Variants in CDH18 observed in about 807,000 individuals in gnomAD.
CDH18 encodes the protein cadherin-18.
Under a neutral mutation model 67.9 loss-of-function variants are expected in CDH18, and 31 were observed. That is an observed-to-expected ratio of 0.46 (90% CI 0.34 to 0.62). The LOEUF is 0.62. Among genes scored for constraint, CDH18 ranks in the 20% least tolerant of loss-of-function variants. CDH18 has a pLI of 0.01. For synonymous variants in CDH18, 362 were observed against 347.2 expected, an observed-to-expected ratio of 1.04 and a Z score of -0.48; for missense variants, 890 against 975.5, an observed-to-expected ratio of 0.91 and a Z score of 1.17.
intron 1 of CDH18, among the ~76,000 whole-genome samples, chr5:20,344,374 C>T (rs2150047890): frequency 6.6e-6 from 1 of 152,240 alleles, no homozygotes; most frequent in African/African-American, 2.4e-5. Context: ...GATTTCACCC[C>T]TATGCCAAAG....
In CDH18 at chr5:19,613,007, G is replaced by A. The variant is rs926387087; in HGVS notation, c.644-406C>T. Among the ~76,000 whole-genome samples, 9 of 151,996 alleles carry A rather than the reference G, an allele frequency of 5.9e-5. No homozygotes were observed. In the South Asian group the frequency reaches 8.3e-4, roughly 14 times the overall value. ...TTAAAAAAAAAAAAATTGGCTGGGC[G>A]TGGTGGCGCATGCCTGTAATCCCAG... On this transcript the variant is annotated intron_variant, in intron 5 of 12. Coordinates refer to ENST00000382275, the MANE Select transcript of CDH18 (RefSeq NM_004934.5).
chr5:20,265,028 G>A (rs1295364005), intron 1 of CDH18, among the ~76,000 whole-genome samples: 4 of 152,078 alleles, frequency 2.6e-5, no homozygotes, highest in Non-Finnish European at 4.4e-5. Context: ...ATAACCTGAA[G>A]ATATCTAAAT....
intron 5 of CDH18, among the ~76,000 whole-genome samples, chr5:19,682,516 G>A (rs998324784): frequency 1.3e-5 from 2 of 151,962 alleles, no homozygotes; most frequent in Admixed American, 6.6e-5. Context: ...GTCACAGAGT[G>A]GGCTGAGTCC....
chr5:19,737,862 AATG>A (rs978776887), intron 4 of CDH18, among the ~76,000 whole-genome samples: 1 of 152,204 alleles, frequency 6.6e-6, no homozygotes, highest in African/African-American at 2.4e-5. Context: ...GTGATACTTG[AATG>A]ATGACAAGTA....
In CDH18 at chr5:20,089,284, T is replaced by A. The variant is rs534405628; in HGVS notation, c.-517-97270A>T. Among the ~76,000 whole-genome samples, 41 of 152,246 alleles carry A rather than the reference T, an allele frequency of 2.7e-4. No homozygotes were observed. In the East Asian group the frequency reaches 7.7e-3, roughly 29 times the overall value. On this transcript the variant is annotated intron_variant, in intron 2 of 14. Transcript: ENST00000507958. ...TATTGAATACAACATGGTACCCTGG[T>A]AAAATAAAAATCTGAATGGTCTTTG...
chr5:19,748,393 AT>A (rs1770413535), intron 3 of CDH18, among the ~76,000 whole-genome samples: 1 of 152,138 alleles, frequency 6.6e-6, no homozygotes, highest in African/African-American at 2.4e-5. Context: ...CTTTGTTGCC[AT>A]TTAAACTGCA....
At chr5:19,921,053 C>G (rs1006918437) in intron 2 of CDH18, among the ~76,000 whole-genome samples, 1 of 151,888 alleles carries the variant, frequency 6.6e-6, no homozygotes, top group African/African-American at 2.4e-5. Flanking sequence ...ATTACTACCT[C>G]AACCATGATA....
chr5:19,885,912 T>C (rs1277961811), intron 2 of CDH18, among the ~76,000 whole-genome samples: 1 of 152,184 alleles, frequency 6.6e-6, no homozygotes, highest in Non-Finnish European at 1.5e-5. Context: ...TGATAGATCT[T>C]ATCTACAGAA....
chr5:20,442,022 G>A (rs894190703), intron 1 of CDH18, among the ~76,000 whole-genome samples: 6 of 151,884 alleles, frequency 4.0e-5, no homozygotes, highest in Non-Finnish European at 8.8e-5. Context: ...TATTTTATCT[G>A]TTCTGTTAAC....
intron 1 of CDH18, among the ~76,000 whole-genome samples, chr5:20,561,304 G>A (rs1161537195): frequency 2.0e-5 from 3 of 152,008 alleles, no homozygotes; most frequent in African/African-American, 4.8e-5. Flanking sequence ...CACTGCACAT[G>A]GATGTTTATA....
At chr5:20,448,570 G>A (rs1449273028) in intron 1 of CDH18, among the ~76,000 whole-genome samples, 1 of 152,090 alleles carries the variant, frequency 6.6e-6, no homozygotes, top group African/African-American at 2.4e-5. Flanking sequence ...TAGTAAAAGT[G>A]ATATTGCTGT....
chr5:20,537,015 G>A lies in CDH18; in HGVS notation c.-580+38447C>T, dbSNP rs539564856. On this transcript the variant is annotated intron_variant, in intron 1 of 14. Coordinates refer to the CDH18 transcript ENST00000507958. ...ATATTCTATGTGGGAGGGTGGACTT[G>A]TGTCCTGCCTATGGTGTCTGCCTTA... is the stretch of plus-strand genomic sequence containing the variant. Among the ~76,000 whole-genome samples, 6 of 152,208 alleles carry A rather than the reference G, an allele frequency of 3.9e-5. No homozygotes were observed. The South Asian group carries it at 1.2e-3, about 32-fold the overall frequency.
intron 3 of CDH18, among the ~76,000 whole-genome samples, chr5:19,768,175 T>C (rs1363785357): frequency 2.0e-5 from 3 of 152,182 alleles, no homozygotes; most frequent in Non-Finnish European, 4.4e-5. Flanking sequence ...TTGTTATTTG[T>C]TCTGACTCAG....
At chr5:19,893,839 T>C (rs1404785882) in intron 2 of CDH18, among the ~76,000 whole-genome samples, 1 of 152,130 alleles carries the variant, frequency 6.6e-6, no homozygotes, top group East Asian at 1.9e-4. Flanking sequence ...AGTGAAAACA[T>C]ATATTTAGCC....
At position 20,158,709 on chromosome 5, in the gene CDH18, A is replaced by G. The variant is rs149376820; in HGVS notation, c.-518+96735T>C. On this transcript the variant is annotated intron_variant, in intron 2 of 14. Coordinates refer to the CDH18 transcript ENST00000507958. ...TTCTCTGTTTGCCAGATGTCCTTCA[A>G]TAATTTCTGTAAATAGATTCCTCTT... 8.3e-3 allele frequency: 1,420 copies of G among 170,124 alleles called. 25 individuals carry two copies. Among genetic ancestry groups the G allele is most frequent in the African/African-American group, 0.032 (1,347 of 41,708 alleles). The allele number at this position is 170,124 out of a possible 1,614,324, so 10.5% of individuals were successfully genotyped here. A position where few individuals can be genotyped will look rare whatever the true frequency, so the allele number is the denominator to read the frequency against.
chr5:19,504,996 G>A (rs948109999), intron 10 of CDH18, among the ~76,000 whole-genome samples: 4 of 152,128 alleles, frequency 2.6e-5, no homozygotes, highest in African/African-American at 7.2e-5. Flanking sequence ...TTACAAATAT[G>A]AGCTTATTAT....
At chr5:19,636,778 C>CA (rs568252583) in intron 5 of CDH18, among the ~76,000 whole-genome samples, 6,420 of 145,098 alleles carry the variant, frequency 0.044, 145 homozygotes, top group Non-Finnish European at 0.051. Context: ...TACAAGTTAG[C>CA]AAAAAAAAAA....
intron 1 of CDH18, among the ~76,000 whole-genome samples, chr5:20,500,470 T>C (rs1412556541): frequency 1.3e-5 from 2 of 152,150 alleles, no homozygotes; most frequent in African/African-American, 2.4e-5. Context: ...CAGGGGCACC[T>C]GGGGAATTGA....
chr5:19,489,608 C>A (rs1741051728), intron 11 of CDH18, among the ~76,000 whole-genome samples: 1 of 152,076 alleles, frequency 6.6e-6, no homozygotes, highest in Non-Finnish European at 1.5e-5. Flanking sequence ...TGTCCTTTTT[C>A]TTCTGAGCTG....
Sources: allele counts gnomAD v4.1 joint callset (sites outside exome capture counted in the v4.1 genomes callset), GRCh38; gene constraint gnomAD v4.1.1; transcripts MANE v1.5; gene names NCBI Gene and HGNC (gene_info 2026-07-23, HGNC 2026-07-21).